TBCD: variants seen among roughly 807,000 people sequenced by gnomAD.
TBCD encodes tubulin folding cofactor D.
TBCD carries 105 observed loss-of-function variants against 169.3 expected under a neutral mutation model. The ratio of observed to expected loss-of-function variants is 0.62; its 90% confidence interval spans 0.53 to 0.73. TBCD has a LOEUF of 0.73. TBCD is among the 30% of genes least tolerant of loss of function. TBCD has a pLI of 0.00. For missense variants in TBCD, 1,444 were observed against 1,600.1 expected (o/e 0.90, Z 1.66); for synonymous variants, 700 against 643.9 (o/e 1.09, Z -1.32).
chr17:82,815,240 T>C (rs2054337825), intron 13 of TBCD, among the ~76,000 whole-genome samples: 1 of 152,222 alleles, frequency 6.6e-6, no homozygotes, highest in Admixed American at 6.5e-5. Flanking sequence ...GATTACCCTG[T>C]GTAGCTGGTT....
rs565660897 is a variant in TBCD at position 82,902,468 on chromosome 17, G to A, written c.1731-937G>A. 2.3e-4 allele frequency among the ~76,000 whole-genome samples: 35 copies of A among 152,318 alleles called. No individual in the cohort carries two copies. The South Asian group carries it at 5.8e-3, about 25-fold the overall frequency. On this transcript the variant is annotated intron_variant, in intron 18 of 38. Transcript: ENST00000355528. ...TTTCTGTTCCCTCAGAGTTGCAGGC[G>A]ATGGTCTTCTAGACAGCATGCAGTT...
chr17:82,807,840 G>A (rs1295430254), intron 11 of TBCD, among the ~76,000 whole-genome samples, 172 bp downstream of exon 11: 1 of 152,370 alleles, frequency 6.6e-6, no homozygotes, highest in African/African-American at 2.4e-5. Context: ...TCCCGAGGCG[G>A]AGCTTCGGTC....
At chr17:82,816,829 C>T (rs1009408646) in intron 13 of TBCD, among the ~76,000 whole-genome samples, 1 of 146,848 alleles carries the variant, frequency 6.8e-6, no homozygotes, top group Non-Finnish European at 1.5e-5. Flanking sequence ...TGAGCCACCA[C>T]ACTTGCCCCC....
At chr17:82,879,398 C>T (rs997233248) in intron 14 of TBCD, among the ~76,000 whole-genome samples, 10 of 152,124 alleles carry the variant, frequency 6.6e-5, no homozygotes, top group African/African-American at 2.4e-4. Flanking sequence ...GTGCGTCTGC[C>T]GTCATGCATC....
At chr17:82,872,536 C>T (rs563972110) in intron 14 of TBCD, among the ~76,000 whole-genome samples, 5 of 152,346 alleles carry the variant, frequency 3.3e-5, no homozygotes, top group Non-Finnish European at 4.4e-5. Context: ...TGTCTGTGTG[C>T]GGGAGCTCTT....
At position 82,832,378 on chromosome 17, in the gene TBCD, T is replaced by A. The variant is rs1248976079; in HGVS notation, c.1318+17444T>A. 1 of 1,614,196 alleles carries A rather than the reference T, an allele frequency of 6.2e-7. No homozygotes were observed. Among genetic ancestry groups the A allele is most frequent in the African/African-American group, 1.3e-5 (1 of 75,048 alleles). On this transcript the variant is annotated intron_variant, in intron 13 of 38. Transcript: ENST00000355528. The surrounding 1 kb of genome is among the most constrained non-coding windows in gnomAD (Gnocchi z 4.9). ...GCAAGTAAAGGGACATTGGAAACAT[T>A]TATACTTGAAGGGCTTTCCTGGAGG...
rs145946141 is a variant in TBCD at position 82,880,235 on chromosome 17, A to C, written c.1476-3910A>C. Among the ~76,000 whole-genome samples the C allele has an allele frequency of 5.1e-4, 78 of 152,058 alleles. No homozygotes were observed. Among genetic ancestry groups the C allele is most frequent in the Non-Finnish European group, 5.3e-4 (36 of 67,972 alleles). ...CGCTGTGTTGCCCAGACTGTACTCAAATTCCTGGGCTCAAGGGATCCTCCT... is the reference window on the plus strand; with the variant it reads ...CGCTGTGTTGCCCAGACTGTACTCACATTCCTGGGCTCAAGGGATCCTCCT... On this transcript the variant is annotated intron_variant, in intron 14 of 38. Coordinates refer to ENST00000355528, the MANE Select transcript of TBCD (RefSeq NM_005993.5). The surrounding 1 kb of genome is among the most constrained non-coding windows in gnomAD (Gnocchi z 5.0).
intron 7 of TBCD, among the ~76,000 whole-genome samples, chr17:82,796,314 A>T (rs1392804005): frequency 6.6e-6 from 1 of 152,208 alleles, no homozygotes; most frequent in African/African-American, 2.4e-5. Context: ...AATTAGATAC[A>T]TCTGGACTGG....
chr17:82,896,815 G>A (rs1449088780), intron 17 of TBCD, among the ~76,000 whole-genome samples: 2 of 152,058 alleles, frequency 1.3e-5, no homozygotes, highest in African/African-American at 2.4e-5. Flanking sequence ...GGTGCCACGC[G>A]CCCCCGGTGC....
At chr17:82,844,206 C>CGCGTGTGTGTGTGTGTGTGTGTGTGT (rs1555612126) in intron 13 of TBCD, among the ~76,000 whole-genome samples, 1 of 127,410 alleles carries the variant, frequency 7.8e-6, no homozygotes, top group African/African-American at 3.2e-5. Context: ...GGATGTTCTC[C>CGCGTGTGTGTGTGTGTGTGTGTGTGT]GTGTGTGTGT....
chr17:82,763,061 G>A (rs2047847561), intron 2 of TBCD, among the ~76,000 whole-genome samples: 1 of 152,158 alleles, frequency 6.6e-6, no homozygotes, highest in Non-Finnish European at 1.5e-5. Context: ...TTCTCTAAAT[G>A]TCACGTAAGT....
rs757711155 is a variant in TBCD, at chr17:82,832,051, G to T, written c.1318+17117G>T. ...CGGAGCTGGGCTCTTGCAGGGTGAT[G>T]CCCTGTGGAGGGCTGGCTTCTGTCC... On this transcript the variant is annotated intron_variant, in intron 13 of 38. Transcript: ENST00000355528. The surrounding 1 kb of genome is among the most constrained non-coding windows in gnomAD (Gnocchi z 4.9). 4.0e-5 allele frequency: 64 copies of T among 1,613,734 alleles called. No homozygotes were observed. The highest frequency in any genetic ancestry group is 5.3e-5 in the Non-Finnish European group (62 of 1,179,770).
In TBCD at chr17:82,874,287, G is replaced by C. The variant is rs2057809557; in HGVS notation, c.1475+3907G>C. ...ACTGTGGGCTGCAGGCTTGAAGAAGGATGTGAGTTTCTGGAGTAGCCTGGA... is the reference window on the plus strand; with the variant it reads ...ACTGTGGGCTGCAGGCTTGAAGAAGCATGTGAGTTTCTGGAGTAGCCTGGA... On this transcript the variant is annotated intron_variant, in intron 14 of 38. Transcript: ENST00000355528. This position sits in a 1 kb window ranked among gnomAD's most constrained non-coding sequence, Gnocchi z 5.0. 6.6e-6 allele frequency among the ~76,000 whole-genome samples: 1 copy of C among 152,200 alleles called. No individual in the cohort carries two copies. Among genetic ancestry groups the C allele is most frequent in the Non-Finnish European group, 1.5e-5 (1 of 68,026 alleles).
intron 19 of TBCD, among the ~76,000 whole-genome samples, chr17:82,904,291 C>G (rs1185422666): frequency 6.7e-6 from 1 of 149,784 alleles, no homozygotes; most frequent in Non-Finnish European, 1.5e-5. Flanking sequence ...ATCTGCCACA[C>G]GACACTCCCT....
intron 6 of TBCD, among the ~76,000 whole-genome samples, chr17:82,776,392 GA>G (rs978831476): frequency 8.5e-5 from 13 of 152,284 alleles, no homozygotes; most frequent in African/African-American, 2.2e-4. Flanking sequence ...CTGCACAACA[GA>G]GCAAGACCCT....
rs369822408 is a variant in TBCD, at chr17:82,805,958, C to CCGAAGATGACGA, written c.1049_1060dup (p.Glu350_Asp353dup). On this transcript the variant is annotated inframe_insertion, in exon 10 of 39. Transcript: ENST00000355528. ...AGTGAGCAGAAGCCACTCATCCTGACCGAAGATGACGACGAAGATGACGAC... is the reference window on the plus strand; with the variant it reads ...AGTGAGCAGAAGCCACTCATCCTGACCGAAGATGACGACGAAGATGACGACGAAGATGACGAC... 5 of 1,613,842 alleles carry CCGAAGATGACGA rather than the reference C, an allele frequency of 3.1e-6. No individual in the cohort carries two copies.
chr17:82,929,685 G>A (rs1354073977), intron 32 of TBCD, 185 bp downstream of exon 32: 1 of 826,134 alleles, frequency 1.2e-6, no homozygotes. Context: ...CTTAGGGCCT[G>A]TGGGATGGTT....
rs1042141452 is a variant in TBCD, at chr17:82,880,542, G to C, written c.1476-3603G>C. ...GGCTTATGACTTTGTTGTTGTTTACGTGGAGGAACTGAAAGACCTGGGTGT... is the reference window on the plus strand; with the variant it reads ...GGCTTATGACTTTGTTGTTGTTTACCTGGAGGAACTGAAAGACCTGGGTGT... On this transcript the variant is annotated intron_variant, in intron 14 of 38. Coordinates refer to ENST00000355528, the MANE Select transcript of TBCD (RefSeq NM_005993.5). The surrounding 1 kb of genome is among the most constrained non-coding windows in gnomAD (Gnocchi z 5.0). Among the ~76,000 whole-genome samples the C allele has an allele frequency of 1.3e-5, 2 of 152,224 alleles. No homozygotes were observed. Among genetic ancestry groups the C allele is most frequent in the South Asian group, 4.1e-4 (2 of 4,834 alleles).
intron 7 of TBCD, among the ~76,000 whole-genome samples, chr17:82,788,435 G>C (rs2049463844): frequency 2.0e-5 from 3 of 152,136 alleles, no homozygotes; most frequent in Admixed American, 6.5e-5. Context: ...AGACGGGGCT[G>C]TTGACTATGA....
Sources: allele counts gnomAD v4.1 joint callset (sites outside exome capture counted in the v4.1 genomes callset), GRCh38; gene constraint gnomAD v4.1.1; non-coding constraint Gnocchi (gnomAD v3.1); transcripts MANE v1.5; gene names NCBI Gene and HGNC (gene_info 2026-07-23, HGNC 2026-07-21).